Variants in CCDC148 observed in about 807,000 individuals in gnomAD.
CCDC148 encodes the protein coiled-coil domain-containing protein 148.
In CCDC148, 89 loss-of-function variants were observed where a neutral mutation model predicts 85.7. That is an observed-to-expected ratio of 1.04 (90% CI 0.87 to 1.24). The LOEUF is 1.24. Ranked by LOEUF, CCDC148 falls within the 50% of genes most tolerant of loss-of-function variation. The pLI, the probability that CCDC148 is intolerant of heterozygous loss-of-function variation, is 0.00. For synonymous variants in CCDC148, 230 were observed against 213.9 expected (o/e 1.08, Z -0.66); for missense variants, 692 against 671.7 (o/e 1.03, Z -0.33).
intron 1 of CCDC148, among the ~76,000 whole-genome samples, chr2:158,399,637 A>T (rs142329438): frequency 0.071 from 10,786 of 152,152 alleles, 526 homozygotes; most frequent in Middle Eastern, 0.11. Context: ...TCAAAATAAG[A>T]GCTATTTATG....
At chr2:158,254,379 A>T (rs1232435005) in intron 9 of CCDC148, among the ~76,000 whole-genome samples, 1 of 151,664 alleles carries the variant, frequency 6.6e-6, no homozygotes, top group Non-Finnish European at 1.5e-5. Flanking sequence ...AACAGATTAT[A>T]TGGTGCTTGT....
chr2:158,378,555 T>C (rs1684747041), intron 1 of CCDC148, among the ~76,000 whole-genome samples: 1 of 152,086 alleles, frequency 6.6e-6, no homozygotes, highest in African/African-American at 2.4e-5. Flanking sequence ...TGAAAGAAAA[T>C]GCCATCTAGG....
chr2:158,358,837 G>A (rs1217692765), intron 1 of CCDC148, among the ~76,000 whole-genome samples: 2 of 151,974 alleles, frequency 1.3e-5, no homozygotes, highest in African/African-American at 4.8e-5. Flanking sequence ...ACCATATATT[G>A]AAGATTTTAG....
chr2:158,349,179 A>G (rs893156209), intron 2 of CCDC148, among the ~76,000 whole-genome samples: 6 of 152,078 alleles, frequency 3.9e-5, no homozygotes, highest in Non-Finnish European at 8.8e-5. Flanking sequence ...TCTAGATGTA[A>G]CTTGAAGCAA....
intron 2 of CCDC148, among the ~76,000 whole-genome samples, chr2:158,347,317 G>C (rs1372045524): frequency 6.6e-6 from 1 of 152,004 alleles, no homozygotes; most frequent in African/African-American, 2.4e-5. Context: ...CCCATGGAAA[G>C]TTCAATTAAG....
chr2:158,325,314 T>C (rs1055142763), intron 7 of CCDC148, among the ~76,000 whole-genome samples: 1 of 152,138 alleles, frequency 6.6e-6, no homozygotes, highest in Admixed American at 6.6e-5. Flanking sequence ...CAATTATCAG[T>C]GTATTTTACT....
rs542452718 is a variant in CCDC148, at chr2:158,266,564, C to T, written c.1111-15652G>A. On this transcript the variant is annotated intron_variant, in intron 9 of 13. Transcript: ENST00000283233. Reference sequence around the variant, plus strand: ...TGGTGATTTGTGAGATTTTGGTGCACCCATTTCCCGAGCAGTATACAGTGA... The same window carrying T: ...TGGTGATTTGTGAGATTTTGGTGCATCCATTTCCCGAGCAGTATACAGTGA... Among the ~76,000 whole-genome samples the T allele has an allele frequency of 2.0e-5, 3 of 152,178 alleles. No individual in the cohort carries two copies. In the South Asian group the frequency reaches 6.2e-4, roughly 32 times the overall value.
chr2:158,440,568 T>C (rs1451804686), intron 1 of CCDC148, among the ~76,000 whole-genome samples: 1 of 152,180 alleles, frequency 6.6e-6, no homozygotes, highest in Non-Finnish European at 1.5e-5. Context: ...TTTCTTATAC[T>C]TATGTACCTA....
intron 10 of CCDC148, among the ~76,000 whole-genome samples, chr2:158,238,334 G>A (rs1688203222): frequency 6.6e-6 from 1 of 152,016 alleles, no homozygotes; most frequent in Non-Finnish European, 1.5e-5. Flanking sequence ...GTCATGCACT[G>A]TAAAAAGAGG....
intron 1 of CCDC148, among the ~76,000 whole-genome samples, chr2:158,395,378 T>G (rs2042083): frequency 0.89 from 135,103 of 152,066 alleles, 60,777 homozygotes; most frequent in Non-Finnish European, 0.96. Context: ...AAATTCCTAT[T>G]ATCTCAGCTA....
intron 10 of CCDC148, among the ~76,000 whole-genome samples, chr2:158,240,397 T>C (rs1688295915): frequency 6.6e-6 from 1 of 151,614 alleles, no homozygotes. Flanking sequence ...GTTTAAGTCA[T>C]GTTTGTCTAA....
intron 9 of CCDC148, among the ~76,000 whole-genome samples, chr2:158,274,165 C>A (rs747070841): frequency 6.6e-6 from 1 of 152,194 alleles, no homozygotes; most frequent in Non-Finnish European, 1.5e-5. Flanking sequence ...TAGGCTCTGG[C>A]TATTCAACAT....
At chr2:158,248,644 A>T (rs1688668347) in intron 10 of CCDC148, among the ~76,000 whole-genome samples, 1 of 152,158 alleles carries the variant, frequency 6.6e-6, no homozygotes, top group Non-Finnish European at 1.5e-5. Context: ...GAAGCTTAGC[A>T]AAATGCAACC....
At chr2:158,305,580 T>A (rs1360905960) in intron 9 of CCDC148, among the ~76,000 whole-genome samples, 1 of 151,904 alleles carries the variant, frequency 6.6e-6, no homozygotes, top group African/African-American at 2.4e-5. Context: ...ACCCTGTCTC[T>A]ACAAAATATT....
intron 11 of CCDC148, among the ~76,000 whole-genome samples, chr2:158,220,020 G>A (rs1687091557): frequency 6.6e-6 from 1 of 152,134 alleles, no homozygotes; most frequent in South Asian, 2.1e-4. Context: ...AACTGATACA[G>A]TAACTTTGGA....
rs376073216 is a variant in CCDC148 at position 158,312,778 on chromosome 2, T to C, written c.903+978A>G. On this transcript the variant is annotated intron_variant, in intron 8 of 13. Coordinates refer to ENST00000283233, the MANE Select transcript of CCDC148 (RefSeq NM_138803.4). ...AAAATCCAGAGTGAACTATTTATTA[T>C]ATAACAGGTATCTGTTACTGAATAA... 6.6e-5 allele frequency among the ~76,000 whole-genome samples: 10 copies of C among 152,260 alleles called. No homozygotes were observed. In the South Asian group the frequency reaches 1.7e-3, roughly 25 times the overall value.
intron 9 of CCDC148, among the ~76,000 whole-genome samples, chr2:158,269,046 G>A (rs1163419025): frequency 2.0e-5 from 3 of 152,072 alleles, no homozygotes; most frequent in Non-Finnish European, 2.9e-5. Context: ...ATCTTTGATT[G>A]GTGATAATTT....
intron 1 of CCDC148, among the ~76,000 whole-genome samples, chr2:158,391,848 A>G (rs1685322269): frequency 6.6e-6 from 1 of 152,138 alleles, no homozygotes; most frequent in Non-Finnish European, 1.5e-5. Context: ...TGAGCATATC[A>G]GGCAATAAAG....
intron 1 of CCDC148, among the ~76,000 whole-genome samples, chr2:158,367,831 G>C (rs138757470): frequency 6.6e-6 from 1 of 152,118 alleles, no homozygotes; most frequent in African/African-American, 2.4e-5. Context: ...GAGGGCCTGT[G>C]AACTAAAGCT....
Sources: allele counts gnomAD v4.1 joint callset (sites outside exome capture counted in the v4.1 genomes callset), GRCh38; gene constraint gnomAD v4.1.1; transcripts MANE v1.5; gene names NCBI Gene and HGNC (gene_info 2026-07-23, HGNC 2026-07-21).